CXCL13: variants seen among roughly 807,000 people sequenced by gnomAD.
CXCL13 encodes C-X-C motif chemokine ligand 13, also known as C-X-C motif chemokine 13.
Under a neutral mutation model 12.2 loss-of-function variants are expected in CXCL13, and 7 were observed. That is an observed-to-expected ratio of 0.57 (90% CI 0.33 to 1.07). CXCL13 has a LOEUF of 1.07. Among genes scored for constraint, CXCL13 ranks in the 50% least tolerant of loss-of-function variants. CXCL13 has a pLI of 0.04. For synonymous variants in CXCL13, 47 were observed against 42.4 expected, an observed-to-expected ratio of 1.11 and a Z score of -0.42; for missense variants, 113 against 127.4, an observed-to-expected ratio of 0.89 and a Z score of 0.55.
At chr4:77,577,612 ATGGGTCAGAG>A (rs1297163216) in intron 1 of CXCL13, among the ~76,000 whole-genome samples, 1 of 152,198 alleles carries the variant, frequency 6.6e-6, no homozygotes, top group East Asian at 1.9e-4. Context: ...TAGGACGTAC[ATGGGTCAGAG>A]TGGATATTCC....
chr4:77,541,894 G>A (rs559442103), intron 1 of CXCL13, among the ~76,000 whole-genome samples: 7 of 152,142 alleles, frequency 4.6e-5, no homozygotes, highest in Non-Finnish European at 7.4e-5. Flanking sequence ...ACTTTCAGGC[G>A]GTGTTTTCTA....
At chr4:77,551,880 G>A (rs1469325776) in intron 1 of CXCL13, among the ~76,000 whole-genome samples, 2 of 152,060 alleles carry the variant, frequency 1.3e-5, no homozygotes, top group Non-Finnish European at 2.9e-5. Flanking sequence ...CCAGTCTATT[G>A]CTAAAGCTTT....
chr4:77,537,824 T>A (rs1214427441), intron 1 of CXCL13, among the ~76,000 whole-genome samples: 1 of 152,144 alleles, frequency 6.6e-6, no homozygotes, highest in Non-Finnish European at 1.5e-5. Flanking sequence ...AGGGTAGACA[T>A]GTGATTCAAT....
chr4:77,549,811 G>C (rs1446986599), intron 1 of CXCL13, among the ~76,000 whole-genome samples: 2 of 152,258 alleles, frequency 1.3e-5, no homozygotes, highest in Non-Finnish European at 2.9e-5. Flanking sequence ...CCCACTTGAG[G>C]AGGCAGTCTG....
chr4:77,603,606 T>G (rs1726937975), upstream of CXCL13, among the ~76,000 whole-genome samples: 1 of 152,206 alleles, frequency 6.6e-6, no homozygotes, highest in Admixed American at 6.5e-5. Flanking sequence ...CAAACTGTTA[T>G]CAATTCAAAG....
At chr4:77,581,457 A>C (rs753337858) in intron 1 of CXCL13, among the ~76,000 whole-genome samples, 1 of 152,190 alleles carries the variant, frequency 6.6e-6, no homozygotes, top group East Asian at 1.9e-4. Flanking sequence ...CTCTGGTATC[A>C]ATGGCTCTAT....
chr4:77,530,076 G>T (rs1046404865), intron 1 of CXCL13, among the ~76,000 whole-genome samples: 2 of 152,086 alleles, frequency 1.3e-5, no homozygotes, highest in African/African-American at 2.4e-5. Context: ...GCTGGATTAC[G>T]TTTATTGATT....
chr4:77,533,257 G>C (rs1578040641), intron 1 of CXCL13, among the ~76,000 whole-genome samples: 1 of 152,216 alleles, frequency 6.6e-6, no homozygotes, highest in South Asian at 2.1e-4. Context: ...CTAACAGTCA[G>C]GACCCTCAGC....
At chr4:77,550,251 G>T (rs183982694) in intron 1 of CXCL13, among the ~76,000 whole-genome samples, 2 of 152,300 alleles carry the variant, frequency 1.3e-5, no homozygotes, top group East Asian at 3.9e-4. Flanking sequence ...GTCTGTCATG[G>T]CTTTCCTTGG....
chr4:77,603,558 A>G (rs1028795644), upstream of CXCL13, among the ~76,000 whole-genome samples: 1 of 152,246 alleles, frequency 6.6e-6, no homozygotes, highest in Non-Finnish European at 1.5e-5. Flanking sequence ...AAAGATCAAC[A>G]GGTTTCAAAA....
intron 1 of CXCL13, among the ~76,000 whole-genome samples, chr4:77,594,757 T>C (rs1188365694): frequency 6.6e-6 from 1 of 151,872 alleles, no homozygotes; most frequent in Non-Finnish European, 1.5e-5. Flanking sequence ...CCTGTCGGGG[T>C]AGGAGGCTGG....
At chr4:77,569,854 A>G (rs1015281243) in intron 1 of CXCL13, among the ~76,000 whole-genome samples, 4 of 152,250 alleles carry the variant, frequency 2.6e-5, no homozygotes, top group African/African-American at 9.6e-5. Flanking sequence ...TGGAGGCATC[A>G]TGTTACCCAA....
chr4:77,575,880 G>A (rs1726186498), intron 1 of CXCL13, among the ~76,000 whole-genome samples: 1 of 151,732 alleles, frequency 6.6e-6, no homozygotes, highest in Non-Finnish European at 1.5e-5. Context: ...TTCCAAAATT[G>A]TATGGGGTTT....
intron 1 of CXCL13, among the ~76,000 whole-genome samples, chr4:77,519,643 G>C (rs1432949231): frequency 6.6e-6 from 1 of 152,072 alleles, no homozygotes; most frequent in Non-Finnish European, 1.5e-5. Context: ...AATTGCAAAA[G>C]TTTTCTCCCA....
intron 1 of CXCL13, among the ~76,000 whole-genome samples, chr4:77,535,609 A>C (rs1578041969): frequency 6.6e-6 from 1 of 151,990 alleles, no homozygotes; most frequent in Non-Finnish European, 1.5e-5. Context: ...ATGTGCATCC[A>C]CCTGCTTCTT....
intron 1 of CXCL13, among the ~76,000 whole-genome samples, chr4:77,549,630 A>C (rs1725458851): frequency 1.3e-5 from 2 of 152,198 alleles, no homozygotes; most frequent in Non-Finnish European, 2.9e-5. Flanking sequence ...CTGGAGGTCC[A>C]CTTGAGCCCC....
At chr4:77,576,306 G>A in intron 1 of CXCL13, among the ~76,000 whole-genome samples, 1 of 152,152 alleles carries the variant, frequency 6.6e-6, no homozygotes, top group East Asian at 1.9e-4. Context: ...CAGAGTCAAG[G>A]AAACTTATTT....
At chr4:77,512,811 G>A (rs1724307789) in intron 1 of CXCL13, among the ~76,000 whole-genome samples, 1 of 152,052 alleles carries the variant, frequency 6.6e-6, no homozygotes, top group Non-Finnish European at 1.5e-5. Flanking sequence ...TAAGTTCTGG[G>A]GTACATGTGC....
intron 1 of CXCL13, among the ~76,000 whole-genome samples, chr4:77,512,072 C>G (rs554809723): frequency 8.5e-5 from 13 of 152,270 alleles, no homozygotes; most frequent in Middle Eastern, 6.8e-3. Flanking sequence ...ACTAACCGTT[C>G]AGAACATTTT....
Sources: allele counts gnomAD v4.1 joint callset (sites outside exome capture counted in the v4.1 genomes callset), GRCh38; gene constraint gnomAD v4.1.1; transcripts MANE v1.5; gene names NCBI Gene and HGNC (gene_info 2026-07-23, HGNC 2026-07-21).